The following CSMD1 variants were observed in gnomAD, a reference collection of about 807,000 sequenced individuals.
The protein encoded by CSMD1 is CUB and sushi domain-containing protein 1.
In CSMD1, 213 loss-of-function variants were observed where a neutral mutation model predicts 417.5. The ratio of observed to expected loss-of-function variants is 0.51; its 90% CI spans 0.46 to 0.57. CSMD1 has a LOEUF of 0.57. CSMD1 is among the 20% of genes least tolerant of loss of function. CSMD1 has a pLI of 0.00. For missense variants in CSMD1, 6,923 were observed against 4,529.7 expected (o/e 1.53, Z -15.17); for synonymous variants, 2,862 against 1,736.8 (o/e 1.65, Z -16.11).
chr8:3,674,143 G>C (rs1195292325), intron 7 of CSMD1, among the ~76,000 whole-genome samples: 1 of 152,066 alleles, frequency 6.6e-6, no homozygotes, highest in Non-Finnish European at 1.5e-5. Context: ...CTGTCCATTT[G>C]TCAATGTTGA....
chr8:3,629,652 T>C lies in CSMD1; in HGVS notation c.1010-12855A>G, dbSNP rs529162021. ...TACTCAGGATTATTTTATCAAGGAATGTTATAATACACAAGTTTATAAGAG... is the reference window on the plus strand; with the variant it reads ...TACTCAGGATTATTTTATCAAGGAACGTTATAATACACAAGTTTATAAGAG... On this transcript the variant is annotated intron_variant, in intron 7 of 69. Coordinates refer to ENST00000635120, the MANE Select transcript of CSMD1 (RefSeq NM_033225.6). 7.9e-5 allele frequency among the ~76,000 whole-genome samples: 12 copies of C among 152,310 alleles called. No homozygotes were observed. The East Asian group carries it at 2.3e-3, about 29-fold the overall frequency.
intron 5 of CSMD1, among the ~76,000 whole-genome samples, chr8:3,989,419 A>G (rs1202748573): frequency 3.3e-5 from 5 of 152,204 alleles, no homozygotes; most frequent in Non-Finnish European, 7.3e-5. Flanking sequence ...AACACTCTCC[A>G]AGCTAGGTAA....
intron 21 of CSMD1, among the ~76,000 whole-genome samples, chr8:3,357,929 T>G (rs1347521764): frequency 6.6e-6 from 1 of 152,220 alleles, no homozygotes; most frequent in Non-Finnish European, 1.5e-5. Context: ...CATGTTTATT[T>G]GTTTAATTTT....
intron 2 of CSMD1, among the ~76,000 whole-genome samples, chr8:4,556,303 A>G (rs1394491524): frequency 1.3e-5 from 2 of 152,186 alleles, no homozygotes; most frequent in Non-Finnish European, 2.9e-5. Context: ...ATAAATTTTA[A>G]TTGTAAAATA....
intron 5 of CSMD1, among the ~76,000 whole-genome samples, chr8:3,766,403 C>T (rs1024248668): frequency 6.6e-6 from 1 of 152,126 alleles, no homozygotes; most frequent in Non-Finnish European, 1.5e-5. Context: ...TGTTTCTAAC[C>T]CTTGGCTGTA....
intron 5 of CSMD1, among the ~76,000 whole-genome samples, chr8:3,937,249 C>G (rs972287643): frequency 6.6e-6 from 1 of 151,986 alleles, no homozygotes; most frequent in Non-Finnish European, 1.5e-5. Context: ...GTTAATAAAG[C>G]AGCAGCAGGG....
At chr8:3,674,232 T>C (rs796429373) in intron 7 of CSMD1, among the ~76,000 whole-genome samples, 5 of 152,360 alleles carry the variant, frequency 3.3e-5, no homozygotes, top group South Asian at 4.1e-4. Flanking sequence ...GATTGTATTA[T>C]GGTTGACTTC....
At chr8:3,776,099 C>T (rs1002065788) in intron 5 of CSMD1, among the ~76,000 whole-genome samples, 23 of 152,182 alleles carry the variant, frequency 1.5e-4, no homozygotes, top group African/African-American at 5.5e-4. Context: ...TTTCCCCATC[C>T]TCCCCCATCC....
intron 2 of CSMD1, among the ~76,000 whole-genome samples, chr8:4,579,519 C>T (rs2617066): frequency 0.29 from 43,493 of 151,712 alleles, 6,497 homozygotes; most frequent in Non-Finnish European, 0.33. Flanking sequence ...CCCGCCACCA[C>T]GCCCAGCTAA....
intron 58 of CSMD1, 129 bp from the exon 59 acceptor site, chr8:2,966,083 A>C (rs1803929914): frequency 1.4e-6 from 1 of 734,112 alleles, no homozygotes; most frequent in Admixed American, 2.5e-5. Context: ...TTAATACAGC[A>C]ATACTACCCT....
At chr8:4,118,503 A>G (rs7822128) in intron 3 of CSMD1, among the ~76,000 whole-genome samples, 150,573 of 152,216 alleles carry the variant, frequency 0.99, 74,499 homozygotes, top group East Asian at 1. Flanking sequence ...GCTCATCATC[A>G]CTGGTCACTA....
intron 2 of CSMD1, among the ~76,000 whole-genome samples, chr8:4,449,106 G>C (rs1179160906): frequency 6.6e-6 from 1 of 152,100 alleles, no homozygotes; most frequent in Non-Finnish European, 1.5e-5. Flanking sequence ...TAAGAGATTT[G>C]CAAAAATAAA....
chr8:4,088,463 C>T (rs1407867298), intron 3 of CSMD1, among the ~76,000 whole-genome samples: 4 of 152,228 alleles, frequency 2.6e-5, no homozygotes, highest in Non-Finnish European at 4.4e-5. Context: ...TCTATCCATT[C>T]CCCAACATCT....
chr8:4,412,094 CGTGCGTGTGT>C (rs1019126958), intron 3 of CSMD1, among the ~76,000 whole-genome samples: 37 of 149,600 alleles, frequency 2.5e-4, no homozygotes, highest in African/African-American at 8.6e-4. Context: ...TGCAAGAGTG[CGTGCGTGTGT>C]GTGCATGTGT....
At chr8:3,735,970 G>C (rs1796503763) in intron 6 of CSMD1, among the ~76,000 whole-genome samples, 1 of 151,688 alleles carries the variant, frequency 6.6e-6, no homozygotes, top group South Asian at 2.1e-4. Flanking sequence ...CAGGTAAATG[G>C]GTAAAATACA....
chr8:4,330,239 C>T (rs1195210387), intron 3 of CSMD1, among the ~76,000 whole-genome samples: 3 of 151,986 alleles, frequency 2.0e-5, no homozygotes, highest in East Asian at 1.9e-4. Context: ...CAGATCCACC[C>T]GTCAGATCCA....
intron 2 of CSMD1, among the ~76,000 whole-genome samples, chr8:4,607,758 G>C (rs529479478): frequency 6.6e-6 from 1 of 152,308 alleles, no homozygotes; most frequent in South Asian, 2.1e-4. Context: ...AACCGCTTGA[G>C]AGTGACTCTC....
chr8:3,654,065 C>T (rs1797986247), intron 7 of CSMD1, among the ~76,000 whole-genome samples: 2 of 152,104 alleles, frequency 1.3e-5, no homozygotes, highest in African/African-American at 2.4e-5. Flanking sequence ...AGGCAGAAAT[C>T]ACTGTAATAA....
intron 1 of CSMD1, among the ~76,000 whole-genome samples, chr8:4,823,772 G>C (rs549845772): frequency 3.3e-5 from 5 of 151,768 alleles, no homozygotes; most frequent in Admixed American, 6.6e-5. Context: ...GGTGGTGGCA[G>C]TGTGTGCACA....
Sources: gnomAD v4.1 joint callset for allele counts (sites outside exome capture counted in the v4.1 genomes callset) on GRCh38, gnomAD v4.1.1 for gene constraint, MANE v1.5 for transcripts, NCBI Gene and HGNC (gene_info 2026-07-23, HGNC 2026-07-21) for gene names.